PEX7: variants seen among roughly 807,000 people sequenced by gnomAD.
PEX7 encodes PTS2 receptor.
A neutral mutation model predicts 47.5 loss-of-function variants in PEX7; 34 were observed. The ratio of observed to expected loss-of-function variants is 0.72; its 90% CI spans 0.54 to 0.95. The LOEUF (loss-of-function observed/expected upper bound fraction) is 0.95, where lower values mean the gene tolerates loss of function less well. Among genes scored for constraint, PEX7 ranks in the 40% least tolerant of loss-of-function variants. The probability of loss-of-function intolerance (pLI) is 0.00; values close to 1 mark genes in which losing one functional copy is unlikely to be tolerated. For synonymous variants in PEX7, 141 were observed against 148.8 expected (o/e 0.95, Z 0.38); for missense variants, 394 against 400.3 (o/e 0.98, Z 0.13).
chr6:136,830,046 T>C (rs1440478581), intron 3 of PEX7: 2 of 716,282 alleles, frequency 2.8e-6, no homozygotes, highest in Admixed American at 2.0e-5. Flanking sequence ...GAAGAGCAAC[T>C]AATGGGTCAT....
intron 8 of PEX7, among the ~76,000 whole-genome samples, chr6:136,893,331 G>A (rs181015268): frequency 1.3e-5 from 2 of 152,128 alleles, no homozygotes; most frequent in East Asian, 3.9e-4. Context: ...GTCACACACT[G>A]TCAGGCTCCT....
chr6:136,913,752 TATG>T lies in PEX7; in HGVS notation c.*229_*231del, dbSNP rs549225266. The T allele has an allele frequency of 1.8e-4, 97 of 543,054 alleles. 2 individuals carry two copies. The South Asian group carries it at 2.1e-3, about 12-fold the overall frequency. The allele number at this position is 543,054 out of a possible 1,614,324, so 33.6% of individuals were successfully genotyped here. ...TAAAATTCTAAGAAATAATTAATGT[TATG>T]ATATATCTTGTAGTATCTATTAAAA... On this transcript the variant is annotated 3_prime_UTR_variant, in exon 10 of 10. Transcript: ENST00000318471.
chr6:136,911,131 A>T (rs1775926206), intron 9 of PEX7, among the ~76,000 whole-genome samples: 2 of 151,812 alleles, frequency 1.3e-5, no homozygotes, highest in African/African-American at 4.8e-5. Context: ...ACCCCTTTCC[A>T]ATCTCCCCTA....
chr6:136,887,754 CTG>C, intron 8 of PEX7, among the ~76,000 whole-genome samples: 1 of 152,078 alleles, frequency 6.6e-6, no homozygotes, highest in East Asian at 1.9e-4. Flanking sequence ...AAAAAGCAAA[CTG>C]TATTTACTCA....
intron 5 of PEX7, among the ~76,000 whole-genome samples, chr6:136,865,871 T>A (rs374455059): frequency 6.6e-6 from 1 of 151,422 alleles, no homozygotes; most frequent in Non-Finnish European, 1.5e-5. Flanking sequence ...GATCACGAGG[T>A]CAGGCAATCG....
chr6:136,869,976 T>A lies in PEX7; in HGVS notation c.720T>A (p.Gly240=). ...NVRQPVFELL[G]HTYAIRRVKF... ...GACAACCAGTGTTTGAACTTCTTGG[T>A]CATACCTATGCTATTAGGAGGGTGA... Residue 240 remains glycine (G), a synonymous_variant, in exon 7 of 10, where the codon GGT becomes GGA. Coordinates refer to ENST00000318471, the MANE Select transcript of PEX7 (RefSeq NM_000288.4). 6.2e-7 allele frequency: 1 copy of A among 1,613,026 alleles called. No homozygotes were observed. The highest frequency in any genetic ancestry group is 8.5e-7 in the Non-Finnish European group (1 of 1,178,996).
chr6:136,826,529 A>G (rs149822868), intron 3 of PEX7, 60 bp downstream of exon 3: 1 of 1,596,958 alleles, frequency 6.3e-7, no homozygotes, highest in East Asian at 2.2e-5. Context: ...GTTGAAATCC[A>G]TTTGGGGATG....
chr6:136,837,348 T>C (rs1432966229), intron 3 of PEX7, among the ~76,000 whole-genome samples: 1 of 30,778 alleles, frequency 3.2e-5, no homozygotes, highest in Non-Finnish European at 7.2e-5. Flanking sequence ...GGCGACAGAG[T>C]GAGAGTCTGT....
chr6:136,867,053 T>G (rs969746632), intron 6 of PEX7, among the ~76,000 whole-genome samples: 1 of 152,232 alleles, frequency 6.6e-6, no homozygotes, highest in Admixed American at 6.5e-5. Context: ...CATCTTTTGC[T>G]TTTATTTCTT....
chr6:136,897,939 T>C (rs1648059690), intron 8 of PEX7, among the ~76,000 whole-genome samples: 1 of 151,978 alleles, frequency 6.6e-6, no homozygotes, highest in South Asian at 2.1e-4. Flanking sequence ...TGTAGGGTTT[T>C]TTTTTTATAT....
At chr6:136,837,630 A>G (rs1302983268) in intron 3 of PEX7, among the ~76,000 whole-genome samples, 1 of 152,166 alleles carries the variant, frequency 6.6e-6, no homozygotes, top group Non-Finnish European at 1.5e-5. Flanking sequence ...TCTTTGGAGA[A>G]GTCATTTATT....
intron 3 of PEX7, among the ~76,000 whole-genome samples, chr6:136,833,168 G>A (rs550978967): frequency 1.3e-5 from 2 of 152,224 alleles, no homozygotes; most frequent in South Asian, 2.1e-4. Flanking sequence ...TGCATGACTG[G>A]GGAGGCCTTA....
intron 5 of PEX7, among the ~76,000 whole-genome samples, chr6:136,866,031 C>T (rs1315219780): frequency 6.6e-6 from 1 of 151,008 alleles, no homozygotes; most frequent in Non-Finnish European, 1.5e-5. Context: ...TACAGTGAGC[C>T]GATATCGTGC....
chr6:136,875,044 C>G (rs1775246668), intron 8 of PEX7, among the ~76,000 whole-genome samples: 1 of 151,778 alleles, frequency 6.6e-6, no homozygotes, highest in African/African-American at 2.4e-5. Context: ...GAGGCTGAGG[C>G]AGGAGAATTG....
intron 2 of PEX7, among the ~76,000 whole-genome samples, chr6:136,826,077 C>G (rs566955293): frequency 2.0e-4 from 30 of 152,226 alleles, no homozygotes; most frequent in Admixed American, 9.2e-4. Flanking sequence ...ATACTGTGTA[C>G]TATTACATTT....
chr6:136,890,298 C>T (rs1174616884), intron 8 of PEX7, among the ~76,000 whole-genome samples: 1 of 152,180 alleles, frequency 6.6e-6, no homozygotes, highest in African/African-American at 2.4e-5. Context: ...CAGAAACCAT[C>T]CTTAGATAGC....
At chr6:136,854,085 C>T (rs1174704054) in intron 5 of PEX7, among the ~76,000 whole-genome samples, 1 of 20,096 alleles carries the variant, frequency 5.0e-5, no homozygotes, top group Non-Finnish European at 1.0e-4. Context: ...TTAACCTTTA[C>T]GGTTAGTAAG....
At chr6:136,862,541 A>G (rs1445778503) in intron 5 of PEX7, among the ~76,000 whole-genome samples, 1 of 151,812 alleles carries the variant, frequency 6.6e-6, no homozygotes, top group Non-Finnish European at 1.5e-5. Flanking sequence ...ATGCCTGGCT[A>G]ATTTTTAAAT....
intron 3 of PEX7, among the ~76,000 whole-genome samples, chr6:136,835,837 CATT>C (rs889037410): frequency 2.0e-5 from 3 of 152,118 alleles, no homozygotes; most frequent in Non-Finnish European, 2.9e-5. Context: ...CTTGCAAAAT[CATT>C]ATTCCCAACC....
Sources: gnomAD v4.1 joint callset for allele counts (sites outside exome capture counted in the v4.1 genomes callset) on GRCh38, gnomAD v4.1.1 for gene constraint, MANE v1.5 for transcripts, NCBI Gene and HGNC (gene_info 2026-07-23, HGNC 2026-07-21) for gene names.